Variants in C9 observed in about 807,000 individuals in gnomAD.
The protein encoded by C9 is complement component C9.
C9 carries 63 observed loss-of-function variants against 65.4 expected under a neutral mutation model. The observed-to-expected ratio is 0.96, with a 90% confidence interval of 0.79 to 1.19. The LOEUF (loss-of-function observed/expected upper bound fraction) is 1.19, where lower values mean the gene tolerates loss of function less well. Among genes scored for constraint, C9 ranks in the 50% most tolerant of loss-of-function variants. The pLI is 0.00. For synonymous variants in C9, 229 were observed against 227.9 expected (o/e 1.00, Z -0.04); for missense variants, 744 against 670.1 (o/e 1.11, Z -1.22).
Position 39,315,683 on chromosome 5 carries a change from T to C in C9, c.870+92A>G. 3 of 958,380 alleles carry C rather than the reference T, an allele frequency of 3.1e-6. No individual in the cohort carries two copies. In the South Asian group the frequency reaches 4.7e-5, roughly 15 times the overall value. The allele number at this position is 958,380 out of a possible 1,614,324, so 59.4% of individuals were successfully genotyped here. A position where few individuals can be genotyped will look rare whatever the true frequency, so the allele number is the denominator to read the frequency against. ...TTGAGAATTTGATCCATGTTTCTTT[T>C]CCTTTTTATGATTTCTATTTGCTCA... On this transcript the variant is annotated intron_variant, in intron 6 of 10. Coordinates refer to ENST00000263408, the MANE Select transcript of C9 (RefSeq NM_001737.5).
chr5:39,321,805 G>T (rs943996338), intron 5 of C9, among the ~76,000 whole-genome samples: 1 of 151,990 alleles, frequency 6.6e-6, no homozygotes, highest in African/African-American at 2.4e-5. Context: ...TTTGTCAGAG[G>T]ATATTTAAAT....
intron 1 of C9, among the ~76,000 whole-genome samples, chr5:39,355,922 T>C (rs1216580008): frequency 2.0e-5 from 3 of 152,184 alleles, no homozygotes; most frequent in Non-Finnish European, 4.4e-5. Context: ...CCCACCCTAA[T>C]GACCTCATTT....
intron 4 of C9, among the ~76,000 whole-genome samples, chr5:39,334,451 C>T (rs1426848231): frequency 1.3e-5 from 2 of 150,862 alleles, no homozygotes; most frequent in Non-Finnish European, 2.9e-5. Flanking sequence ...AGCCCCTCCG[C>T]CTGGCTGACA....
intron 10 of C9, among the ~76,000 whole-genome samples, chr5:39,288,368 T>C (rs1214184061): frequency 6.6e-6 from 1 of 150,626 alleles, no homozygotes; most frequent in African/African-American, 2.4e-5. Flanking sequence ...CATAAACACA[T>C]ATATATGCAA....
At chr5:39,314,545 CTT>C (rs1753540199) in intron 6 of C9, among the ~76,000 whole-genome samples, 1 of 152,116 alleles carries the variant, frequency 6.6e-6, no homozygotes, top group Admixed American at 6.5e-5. Flanking sequence ...ACTGAGTGGA[CTT>C]TTAAGTTCTT....
rs762933025 is a variant in C9, at chr5:39,288,987, T to A, written c.1417-36A>T. 16 of 1,127,988 alleles carry A rather than the reference T, an allele frequency of 1.4e-5. No individual in the cohort carries two copies. In the Middle Eastern group the frequency reaches 7.9e-4, roughly 56 times the overall value. 69.9% of individuals were successfully genotyped at this position (1,127,988 alleles called of 1,614,324 possible). A position where few individuals can be genotyped will look rare whatever the true frequency, so the allele number is the denominator to read the frequency against. ...GCAAAACATTTAATTTTAGGTCCTT[T>A]TTAACTGAGAGAACTTGTAGAATAC... On this transcript the variant is annotated intron_variant, in intron 9 of 10. Transcript: ENST00000263408.
At chr5:39,300,155 GC>G (rs1440206404) in intron 9 of C9, among the ~76,000 whole-genome samples, 2 of 152,114 alleles carry the variant, frequency 1.3e-5, no homozygotes, top group African/African-American at 4.8e-5. Context: ...GCTCCTGGCT[GC>G]AATCCCAGCA....
intron 7 of C9, among the ~76,000 whole-genome samples, chr5:39,309,634 G>A (rs1369863094): frequency 6.6e-6 from 1 of 152,146 alleles, no homozygotes; most frequent in African/African-American, 2.4e-5. Context: ...ACCCTAAAGG[G>A]CTCAGATTCT....
Position 39,306,792 on chromosome 5 carries a change from A to G in C9, c.1241T>C (p.Val414Ala). Residue 414 changes from valine to alanine, a missense_variant and splice_region_variant, in exon 9 of 11, where the codon GTA (valine) becomes GCA (alanine). By Grantham distance (64) the Val-to-Ala change is moderately conservative. Coordinates refer to ENST00000263408, the MANE Select transcript of C9 (RefSeq NM_001737.5). ...TATGAGGTTTTCACTGGTGATGTTT[A>G]CTGAGGAGAGAAGGAAGATTTAAAG... ...DCVKRGEGRA[V>A]NITSENLIDD... 1.2e-6 allele frequency: 2 copies of G among 1,606,482 alleles called. No individual in the cohort carries two copies. Among genetic ancestry groups the G allele is most frequent in the Non-Finnish European group, 1.7e-6 (2 of 1,173,194 alleles).
At chr5:39,302,950 A>C (rs1753309539) in intron 9 of C9, among the ~76,000 whole-genome samples, 1 of 152,202 alleles carries the variant, frequency 6.6e-6, no homozygotes, top group Admixed American at 6.6e-5. Context: ...AGGACACAGC[A>C]TTACATAACA....
At chr5:39,335,281 A>G (rs368434941) in intron 4 of C9, among the ~76,000 whole-genome samples, 2 of 152,220 alleles carry the variant, frequency 1.3e-5, no homozygotes, top group East Asian at 1.9e-4. Flanking sequence ...AGTGTTTGCA[A>G]TTAGCAGGGG....
chr5:39,352,834 GTTT>G (rs747093390), intron 1 of C9, among the ~76,000 whole-genome samples: 1 of 144,662 alleles, frequency 6.9e-6, no homozygotes, highest in Non-Finnish European at 1.5e-5. Context: ...TGAAGTCTAA[GTTT>G]TTTTTTTTTT....
chr5:39,361,659 C>T (rs975397485), intron 1 of C9, among the ~76,000 whole-genome samples: 1 of 152,162 alleles, frequency 6.6e-6, no homozygotes, highest in African/African-American at 2.4e-5. Context: ...GAACCCAGGC[C>T]ACCTGGCTCC....
At chr5:39,331,435 A>G in intron 5 of C9, among the ~76,000 whole-genome samples, 1 of 152,146 alleles carries the variant, frequency 6.6e-6, no homozygotes, top group East Asian at 1.9e-4. Flanking sequence ...TCCTGAGATA[A>G]TTCTTTTTAT....
chr5:39,354,486 C>G (rs1754380686), intron 1 of C9, among the ~76,000 whole-genome samples: 1 of 152,170 alleles, frequency 6.6e-6, no homozygotes, highest in South Asian at 2.1e-4. Flanking sequence ...CACTGCTTAG[C>G]AACATCTGGT....
chr5:39,302,148 C>A (rs1041694551), intron 9 of C9, among the ~76,000 whole-genome samples: 1 of 151,968 alleles, frequency 6.6e-6, no homozygotes, highest in Non-Finnish European at 1.5e-5. Context: ...AGCTTCAAAT[C>A]CTGGAGTTAA....
intron 1 of C9, among the ~76,000 whole-genome samples, chr5:39,360,946 C>A (rs1047719313): frequency 2.4e-4 from 36 of 152,004 alleles, no homozygotes; most frequent in Non-Finnish European, 5.0e-4. Context: ...GTACACCTAA[C>A]CACTTACAAA....
At chr5:39,311,425 A>G in intron 6 of C9, 48 bp from the exon 7 acceptor site, 1 of 1,589,778 alleles carries the variant, frequency 6.3e-7, no homozygotes, top group Non-Finnish European at 8.6e-7. Flanking sequence ...TTTATCCACC[A>G]TTTCAAATGA....
intron 9 of C9, among the ~76,000 whole-genome samples, chr5:39,298,559 G>GA (rs1355508297): frequency 3.3e-5 from 5 of 151,484 alleles, no homozygotes; most frequent in Non-Finnish European, 4.4e-5. Flanking sequence ...AACTGAATCA[G>GA]AAAAAATGCA....
Sources: gnomAD v4.1 joint callset for allele counts (sites outside exome capture counted in the v4.1 genomes callset) on GRCh38, gnomAD v4.1.1 for gene constraint, MANE v1.5 for transcripts, NCBI Gene and HGNC (gene_info 2026-07-23, HGNC 2026-07-21) for gene names.